Variants in ITGB7 observed in about 807,000 individuals in gnomAD.
ITGB7 encodes the protein integrin subunit beta 7.
A neutral mutation model predicts 83.4 loss-of-function variants in ITGB7; 55 were observed. That is an observed-to-expected ratio of 0.66 (90% confidence interval 0.53 to 0.83). The LOEUF (loss-of-function observed/expected upper bound fraction) is 0.83. ITGB7 is among the 40% of genes least tolerant of loss of function. The probability of loss-of-function intolerance (pLI) is 0.00; values close to 1 mark genes in which losing one functional copy is unlikely to be tolerated. For missense variants in ITGB7, 921 were observed against 1,046.7 expected, an observed-to-expected ratio of 0.88 and a Z score of 1.66; for synonymous variants, 454 against 423.6, an observed-to-expected ratio of 1.07 and a Z score of -0.88.
At position 53,193,148 on chromosome 12, in the gene ITGB7, A is replaced by C. The variant is rs1281849969; in HGVS notation, c.1718T>G (p.Leu573Arg). The change falls in exon 12 of 16, where the codon CTC becomes CGC. Residue 573 changes from leucine to arginine, a missense_variant. By Grantham distance (102) the Leu-to-Arg change is moderately radical (BLOSUM62 -2). Transcript: ENST00000267082. ...DASCERHEGILCGGFGRCQCG... is the reference protein window; with the variant it reads ...DASCERHEGIRCGGFGRCQCG... ...CCCAAGGCTCCAGGTACCTCCGCAG[A>C]GGATGCCCTCATGTCGCTCACAGCT... 1 of 1,609,222 alleles carries C rather than the reference A, an allele frequency of 6.2e-7. No individual in the cohort carries two copies. Among genetic ancestry groups the C allele is most frequent in the Non-Finnish European group, 8.5e-7 (1 of 1,176,370 alleles).
chr12:53,195,766 C>T, intron 7 of ITGB7, 45 bp from the exon 8 acceptor site: 4 of 1,496,952 alleles, frequency 2.7e-6, no homozygotes, highest in Non-Finnish European at 3.7e-6. Flanking sequence ...AGGTTTCCCC[C>T]ACAACATGCA....
Position 53,197,296 on chromosome 12 carries a change from C to T in ITGB7, c.574+197G>A, listed in dbSNP as rs1942196927. On this transcript the variant is annotated intron_variant, in intron 5 of 15. Coordinates refer to ENST00000267082, the MANE Select transcript of ITGB7 (RefSeq NM_000889.3). ...GTCTCAGGCCTGTAAAACGGATAGT[C>T]TCTTGAGTCCTCTCCAGCTCTGACC... 3 of 666,558 alleles carry T rather than the reference C, an allele frequency of 4.5e-6. No homozygotes were observed. The South Asian group carries it at 5.1e-5, about 11-fold the overall frequency. 41.3% of individuals were successfully genotyped at this position (666,558 alleles called of 1,614,324 possible).
chr12:53,195,303 C>A, intron 9 of ITGB7, 71 bp downstream of exon 9: 1 of 1,102,846 alleles, frequency 9.1e-7, no homozygotes, highest in Non-Finnish European at 1.4e-6. Context: ...TTCTGCCACC[C>A]CACCCAAGGG....
At chr12:53,201,969 T>C (rs567209289) in intron 1 of ITGB7, among the ~76,000 whole-genome samples, 1 of 152,312 alleles carries the variant, frequency 6.6e-6, no homozygotes, top group East Asian at 1.9e-4. Flanking sequence ...ATCAGTGGAA[T>C]AGAATTGAAA....
At chr12:53,195,778 G>T in intron 7 of ITGB7, 57 bp from the exon 8 acceptor site, 1 of 1,417,592 alleles carries the variant, frequency 7.1e-7, no homozygotes, top group Non-Finnish European at 1.0e-6. Context: ...CAACATGCAA[G>T]GTGCCCTCAG....
Position 53,203,620 on chromosome 12 carries a change from C to T in ITGB7, c.-126-2426G>A, listed in dbSNP as rs1283976367. Among the ~76,000 whole-genome samples, 40 of 136,470 alleles carry T rather than the reference C, an allele frequency of 2.9e-4. 1 individual carries two copies. Among genetic ancestry groups the T allele is most frequent in the Non-Finnish European group, 1.5e-5 (1 of 66,022 alleles). The allele number at this position is 136,470 out of a possible 152,430, so 89.5% of individuals were successfully genotyped here. A position where few individuals can be genotyped will look rare whatever the true frequency, so the allele number is the denominator to read the frequency against. ...CCAAGATCGGGCCACTGCACTCCAG[C>T]CTAGGCGACAGAGCGAGACCCTGTC... On this transcript the variant is annotated intron_variant, in intron 1 of 15. Coordinates refer to ENST00000267082, the MANE Select transcript of ITGB7 (RefSeq NM_000889.3).
At chr12:53,202,837 A>G (rs1942350863) in intron 1 of ITGB7, among the ~76,000 whole-genome samples, 1 of 152,112 alleles carries the variant, frequency 6.6e-6, no homozygotes, top group Admixed American at 6.5e-5. Context: ...GGCACACGCC[A>G]CCACTTTTTC....
At chr12:53,195,192 A>G (rs1156866895) in intron 9 of ITGB7, 182 bp downstream of exon 9, 1 of 598,270 alleles carries the variant, frequency 1.7e-6, no homozygotes, top group East Asian at 2.8e-5. Context: ...CAGATGTTTT[A>G]AGATTTATGA....
chr12:53,191,507 C>G lies in ITGB7; in HGVS notation c.*49G>C. On this transcript the variant is annotated 3_prime_UTR_variant, in exon 16 of 16. Coordinates refer to ENST00000267082, the MANE Select transcript of ITGB7 (RefSeq NM_000889.3). ...CCACCCTTCCTCTCACCCTCCAGTT[C>G]CCACTGTCCTCCAAGGAGAAGAGCC... 1 of 1,442,506 alleles carries G rather than the reference C, an allele frequency of 6.9e-7. No homozygotes were observed. The highest frequency in any genetic ancestry group is 1.1e-5 in the South Asian group (1 of 87,610). 89.4% of individuals were successfully genotyped at this position (1,442,506 alleles called of 1,614,324 possible). A position where few individuals can be genotyped will look rare whatever the true frequency, so the allele number is the denominator to read the frequency against.
intron 1 of ITGB7, among the ~76,000 whole-genome samples, chr12:53,205,516 G>A (rs548290864): frequency 6.6e-6 from 1 of 152,140 alleles, no homozygotes; most frequent in Admixed American, 6.6e-5. Context: ...CATTTCACAC[G>A]TCTGCAACTG....
chr12:53,197,923 G>C lies in ITGB7; in HGVS notation c.230C>G (p.Ala77Gly), dbSNP rs1227870732. 1.2e-5 allele frequency: 18 copies of C among 1,543,214 alleles called. No homozygotes were observed. The highest frequency in any genetic ancestry group is 1.6e-5 in the Non-Finnish European group (18 of 1,152,274). ...LNFTASGEAE[A>G]RRCARREELL... ...CTCCTCTCGTCGGGCGCAGCGCCGC[G>C]CCTCCGCCTCTCCCGACGCGGTGAA... The change falls in exon 4 of 16, where the codon GCG (alanine) becomes GGG (glycine). Residue 77 changes from alanine to glycine, a missense_variant. Physicochemically the swap from Ala to Gly is moderately conservative, Grantham distance 60 (BLOSUM62 0). Transcript: ENST00000267082.
intron 11 of ITGB7, 111 bp downstream of exon 11, chr12:53,193,597 C>G (rs922163267): frequency 5.1e-6 from 5 of 975,714 alleles, no homozygotes; most frequent in Admixed American, 2.9e-5. Flanking sequence ...AGTGGGGAGT[C>G]GGGATGTCGA....
chr12:53,193,075 C>T (rs191980803), intron 12 of ITGB7, 65 bp downstream of exon 12: 1 of 1,476,296 alleles, frequency 6.8e-7, no homozygotes, highest in Non-Finnish European at 9.3e-7. Context: ...CCAGGAGATT[C>T]CCAGAGCCTA....
Position 53,200,414 on chromosome 12 carries a change from C to T in ITGB7, c.30G>A (p.Leu10=). 6.2e-7 allele frequency: 1 copy of T among 1,614,156 alleles called. No homozygotes were observed. Among genetic ancestry groups the T allele is most frequent in the Non-Finnish European group, 8.5e-7 (1 of 1,180,038 alleles). Residue 10 remains leucine (L), a synonymous_variant, in exon 3 of 16, where the codon TTG becomes TTA. Transcript: ENST00000267082. ...TCTCACCTCTGCTCAGGACCAGCAGCAAAACAAGGACCATTGGCAAAGCCA... is the reference window on the plus strand; with the variant it reads ...TCTCACCTCTGCTCAGGACCAGCAGTAAAACAAGGACCATTGGCAAAGCCA... MVALPMVLV[L]LLVLSRGESE...
intron 3 of ITGB7, among the ~76,000 whole-genome samples, 190 bp downstream of exon 3, chr12:53,200,053 T>G (rs779789572): frequency 1.3e-5 from 2 of 152,252 alleles, no homozygotes; most frequent in African/African-American, 2.4e-5. Flanking sequence ...TGCATGCATG[T>G]GTATGCACAC....
chr12:53,199,876 C>CTGCCA (rs1234613548), intron 3 of ITGB7, among the ~76,000 whole-genome samples: 1 of 152,182 alleles, frequency 6.6e-6, no homozygotes, highest in Non-Finnish European at 1.5e-5. Flanking sequence ...GCAGCCCGCA[C>CTGCCA]TGGGTAGTAC....
At chr12:53,205,032 C>G (rs1020910894) in intron 1 of ITGB7, among the ~76,000 whole-genome samples, 1 of 151,880 alleles carries the variant, frequency 6.6e-6, no homozygotes, top group Non-Finnish European at 1.5e-5. Context: ...ACTATGTTGG[C>G]CAGGCTGGTC....
intron 1 of ITGB7, among the ~76,000 whole-genome samples, chr12:53,204,424 C>T (rs1240691572): frequency 2.7e-5 from 4 of 150,792 alleles, no homozygotes; most frequent in Non-Finnish European, 5.9e-5. Flanking sequence ...CATGCTACAA[C>T]ATGGATGAAC....
At chr12:53,202,846 T>A (rs1205503688) in intron 1 of ITGB7, among the ~76,000 whole-genome samples, 2 of 151,982 alleles carry the variant, frequency 1.3e-5, no homozygotes, top group Non-Finnish European at 2.9e-5. Context: ...CACCACTTTT[T>A]CTCAAAAAAT....
Sources: gnomAD v4.1 joint callset for allele counts (sites outside exome capture counted in the v4.1 genomes callset) on GRCh38, gnomAD v4.1.1 for gene constraint, MANE v1.5 for transcripts, NCBI Gene and HGNC (gene_info 2026-07-23, HGNC 2026-07-21) for gene names.